Variants in VWC2 observed in about 807,000 individuals in gnomAD.
VWC2 encodes von Willebrand factor C domain containing 2.
A neutral mutation model predicts 29.8 loss-of-function variants in VWC2; 14 were observed. The ratio of observed to expected loss-of-function variants is 0.47; its 90% confidence interval spans 0.31 to 0.74. The LOEUF (loss-of-function observed/expected upper bound fraction) is 0.74. Among genes scored for constraint, VWC2 ranks in the 30% least tolerant of loss-of-function variants. VWC2 has a pLI of 0.05. For synonymous variants in VWC2, 213 were observed against 199.0 expected (o/e 1.07, Z -0.59); for missense variants, 457 against 459.8 (o/e 0.99, Z 0.05).
intron 3 of VWC2, among the ~76,000 whole-genome samples, chr7:49,898,693 G>A (rs1233921855): frequency 6.6e-6 from 1 of 151,894 alleles, no homozygotes; most frequent in Non-Finnish European, 1.5e-5. Context: ...GACAGCAGTA[G>A]GACAATGGAT....
At chr7:49,897,665 A>G (rs571077965) in intron 3 of VWC2, among the ~76,000 whole-genome samples, 1 of 152,350 alleles carries the variant, frequency 6.6e-6, no homozygotes, top group Admixed American at 6.5e-5. Flanking sequence ...GTAGGCAAAT[A>G]CAGAAAATCA....
chr7:49,898,324 TA>T (rs905768195), intron 3 of VWC2, among the ~76,000 whole-genome samples: 23 of 151,694 alleles, frequency 1.5e-4, no homozygotes, highest in Admixed American at 9.9e-4. Context: ...TTTTTTTTTT[TA>T]AAAAAACCTT....
intron 3 of VWC2, among the ~76,000 whole-genome samples, chr7:49,888,616 G>A (rs1264107837): frequency 6.6e-6 from 1 of 152,114 alleles, no homozygotes; most frequent in Non-Finnish European, 1.5e-5. Flanking sequence ...GGGTGTTTAT[G>A]AAGTGCACCT....
At chr7:49,886,057 G>C (rs1791892176) in intron 3 of VWC2, among the ~76,000 whole-genome samples, 1 of 152,226 alleles carries the variant, frequency 6.6e-6, no homozygotes, top group East Asian at 1.9e-4. Context: ...GTGTGTGCAA[G>C]AGCCTGGAGA....
At chr7:49,788,744 G>A (rs1262664407) in intron 2 of VWC2, among the ~76,000 whole-genome samples, 4 of 149,260 alleles carry the variant, frequency 2.7e-5, no homozygotes, top group South Asian at 4.3e-4. Context: ...GGATGTGTGT[G>A]TGGATGTGGG....
chr7:49,856,080 G>A lies in VWC2; in HGVS notation c.826+53240G>A, dbSNP rs139988169. ...AGGGCTGATGTTCCCTTCTGTCCCC[G>A]GAAACACCACCCTACTGGGAGGCAA... On this transcript the variant is annotated intron_variant, in intron 3 of 3. Transcript: ENST00000340652. Among the ~76,000 whole-genome samples, 938 of 152,202 alleles carry A rather than the reference G, an allele frequency of 6.2e-3. 18 individuals carry two copies. Among genetic ancestry groups the A allele is most frequent in the Middle Eastern group, 0.01 (3 of 294 alleles).
At position 49,796,064 on chromosome 7, in the gene VWC2, G is replaced by A. The variant is rs528257268; in HGVS notation, c.697-6647G>A. On this transcript the variant is annotated intron_variant, in intron 2 of 3. Coordinates refer to ENST00000340652, the MANE Select transcript of VWC2 (RefSeq NM_198570.5). The stretch of plus-strand genomic sequence containing the variant: ...TCAGTGTTTCCTTGGTTTCATGTTA[G>A]TCTTATTTTGTATCATTGCAGAATC... Among the ~76,000 whole-genome samples the A allele has an allele frequency of 7.2e-5, 11 of 152,270 alleles. No homozygotes were observed. In the South Asian group the frequency reaches 2.1e-3, roughly 29 times the overall value.
At chr7:49,867,635 C>T (rs1350929456) in intron 3 of VWC2, among the ~76,000 whole-genome samples, 1 of 152,162 alleles carries the variant, frequency 6.6e-6, no homozygotes, top group African/African-American at 2.4e-5. Context: ...CATTCACCCT[C>T]CTGAACTCTA....
chr7:49,870,697 C>T (rs1397155525), intron 3 of VWC2, among the ~76,000 whole-genome samples: 1 of 152,252 alleles, frequency 6.6e-6, no homozygotes, highest in East Asian at 1.9e-4. Context: ...GAAACCATGA[C>T]GTTATCATGA....
intron 2 of VWC2, among the ~76,000 whole-genome samples, chr7:49,796,894 A>C (rs1273386658): frequency 6.6e-6 from 1 of 152,206 alleles, no homozygotes; most frequent in African/African-American, 2.4e-5. Flanking sequence ...ACCACTTACC[A>C]TCATATAGAG....
chr7:49,774,545 C>T (rs978884217), intron 1 of VWC2, among the ~76,000 whole-genome samples: 5 of 152,338 alleles, frequency 3.3e-5, no homozygotes, highest in South Asian at 2.1e-4. Flanking sequence ...GCCCCAGCCT[C>T]CCGCACTGCA....
At chr7:49,904,736 A>T (rs1383797384) in intron 3 of VWC2, among the ~76,000 whole-genome samples, 1 of 139,006 alleles carries the variant, frequency 7.2e-6, no homozygotes, top group Non-Finnish European at 1.5e-5. Context: ...GCATATATTA[A>T]TTTTTTTTTT....
chr7:49,792,343 AG>A (rs1788479741), intron 2 of VWC2, among the ~76,000 whole-genome samples: 1 of 152,226 alleles, frequency 6.6e-6, no homozygotes. Context: ...TAACTTGCTC[AG>A]GGTCCCACAG....
chr7:49,813,867 A>G (rs369958863), intron 3 of VWC2, among the ~76,000 whole-genome samples: 11 of 152,244 alleles, frequency 7.2e-5, no homozygotes, highest in Non-Finnish European at 1.6e-4. Context: ...AAAGCAAAAA[A>G]GAGAACCATA....
chr7:49,855,646 T>C (rs1790386231), intron 3 of VWC2, among the ~76,000 whole-genome samples: 1 of 152,190 alleles, frequency 6.6e-6, no homozygotes, highest in African/African-American at 2.4e-5. Flanking sequence ...AATGTGGCAG[T>C]TCTCCAAAAT....
At chr7:49,808,947 G>A (rs1229998364) in intron 3 of VWC2, among the ~76,000 whole-genome samples, 3 of 151,956 alleles carry the variant, frequency 2.0e-5, no homozygotes. Context: ...CCTCAAATCA[G>A]CAATGTAACC....
intron 2 of VWC2, among the ~76,000 whole-genome samples, chr7:49,783,792 A>G (rs1274182327): frequency 6.6e-6 from 1 of 152,156 alleles, no homozygotes; most frequent in Non-Finnish European, 1.5e-5. Flanking sequence ...GCTCATGCCT[A>G]TAATCCCGGC....
chr7:49,847,582 G>C (rs1237566944), intron 3 of VWC2, among the ~76,000 whole-genome samples: 1 of 152,206 alleles, frequency 6.6e-6, no homozygotes, highest in African/African-American at 2.4e-5. Context: ...GTTATACTCA[G>C]ATATCCCAAG....
intron 3 of VWC2, among the ~76,000 whole-genome samples, chr7:49,856,674 A>G (rs1790429004): frequency 6.6e-6 from 1 of 152,164 alleles, no homozygotes; most frequent in Admixed American, 6.5e-5. Flanking sequence ...GGTAATTAAT[A>G]TATCCATCAC....
Sources: allele counts gnomAD v4.1 joint callset (sites outside exome capture counted in the v4.1 genomes callset), GRCh38; gene constraint gnomAD v4.1.1; transcripts MANE v1.5; gene names NCBI Gene and HGNC (gene_info 2026-07-23, HGNC 2026-07-21).